OXNAD1: variants seen among roughly 807,000 people sequenced by gnomAD.
The protein encoded by OXNAD1 is oxidoreductase NAD-binding domain-containing protein 1.
In OXNAD1, 34 loss-of-function variants were observed where a neutral mutation model predicts 32.9. That is an observed-to-expected ratio of 1.03 (90% confidence interval 0.79 to 1.38). OXNAD1 has a LOEUF of 1.38. Among genes scored for constraint, OXNAD1 ranks in the 40% most tolerant of loss-of-function variants. The pLI is 0.00. For synonymous variants in OXNAD1, 134 were observed against 135.2 expected, an observed-to-expected ratio of 0.99 and a Z score of 0.06; for missense variants, 407 against 379.4, an observed-to-expected ratio of 1.07 and a Z score of -0.60.
In OXNAD1 at chr3:16,305,007, A is replaced by G. The variant is rs182029553; in HGVS notation, c.*1445A>G. The G allele has an allele frequency of 2.6e-4, 39 of 152,338 alleles. No homozygotes were observed. Among genetic ancestry groups the G allele is most frequent in the African/African-American group, 8.7e-4 (36 of 41,574 alleles). 9.4% of individuals were successfully genotyped at this position (152,338 alleles called of 1,614,324 possible). On this transcript the variant is annotated 3_prime_UTR_variant, in exon 9 of 9. Transcript: ENST00000285083. The surrounding 1 kb of genome is among the most constrained non-coding windows in gnomAD (Gnocchi z 4.5). Reference sequence around the variant, plus strand: ...CTACTGACCTGATGGGAATATCATAATCCATTCAAGGAAATGGTCATTAGT... The same window carrying G: ...CTACTGACCTGATGGGAATATCATAGTCCATTCAAGGAAATGGTCATTAGT...
chr3:16,280,614 T>G lies in OXNAD1; in HGVS notation c.184-5728T>G, dbSNP rs549042101. On this transcript the variant is annotated intron_variant, in intron 4 of 8. Transcript: ENST00000285083. The surrounding 1 kb of genome is among the most constrained non-coding windows in gnomAD (Gnocchi z 4.5). ...CTCTGAACCATACCTACATTTTTGT[T>G]TTAGGTCATCTCTAGTCATGGCTTT... 3.3e-5 allele frequency among the ~76,000 whole-genome samples: 5 copies of G among 152,278 alleles called. No homozygotes were observed. In the South Asian group the frequency reaches 1.0e-3, roughly 32 times the overall value.
At chr3:16,309,769 C>CCT, downstream of OXNAD1, among the ~76,000 whole-genome samples, 1 of 152,310 alleles carries the variant, frequency 6.6e-6, no homozygotes, top group East Asian at 1.9e-4. Flanking sequence ...ACTCATTCCA[C>CCT]CTCTCTCTGA....
intron 4 of OXNAD1, among the ~76,000 whole-genome samples, chr3:16,273,103 G>A (rs906873056): frequency 1.3e-5 from 2 of 152,132 alleles, no homozygotes; most frequent in African/African-American, 2.4e-5. Flanking sequence ...GCTAGTCCCT[G>A]AATTAGAGTA....
At chr3:16,307,911 TTC>T (rs2067680156), downstream of OXNAD1, among the ~76,000 whole-genome samples, 1 of 151,418 alleles carries the variant, frequency 6.6e-6, no homozygotes, top group South Asian at 2.1e-4. Context: ...GCACAGTTTG[TTC>T]TGTTTTTTTA....
chr3:16,347,419 C>G (rs960930021), intron 9 of OXNAD1, among the ~76,000 whole-genome samples: 11 of 152,252 alleles, frequency 7.2e-5, no homozygotes, highest in African/African-American at 2.7e-4. Context: ...AAGGTTATAA[C>G]AGGCCCATGC....
rs994828704 is a variant in OXNAD1, at chr3:16,312,607, G to T, written c.*30+9015G>T. 1.3e-5 allele frequency among the ~76,000 whole-genome samples: 2 copies of T among 152,254 alleles called. No individual in the cohort carries two copies. Among genetic ancestry groups the T allele is most frequent in the Non-Finnish European group, 2.9e-5 (2 of 68,044 alleles). On this transcript the variant is annotated intron_variant, in intron 9 of 9. Coordinates refer to the OXNAD1 transcript ENST00000435829. This position sits in a 1 kb window ranked among gnomAD's most constrained non-coding sequence, Gnocchi z 4.7. Reference sequence around the variant, plus strand: ...TGCCCCTATGCCAGCTAGGAGCTCAGCTAGAGTGGGTTGCACGAGTCGTGA... The same window carrying T: ...TGCCCCTATGCCAGCTAGGAGCTCATCTAGAGTGGGTTGCACGAGTCGTGA...
At chr3:16,308,068 A>AAGAT (rs1236080602), downstream of OXNAD1, among the ~76,000 whole-genome samples, 7 of 152,226 alleles carry the variant, frequency 4.6e-5, no homozygotes, top group African/African-American at 1.7e-4. The surrounding 1 kb of genome is among the most constrained non-coding windows in gnomAD (Gnocchi z 4.4). Context: ...CTAGACATTG[A>AAGAT]AGATAGGAAC....
chr3:16,342,018 GT>G, downstream of OXNAD1, among the ~76,000 whole-genome samples: 1 of 152,074 alleles, frequency 6.6e-6, no homozygotes, highest in East Asian at 1.9e-4. The surrounding 1 kb of genome is among the most constrained non-coding windows in gnomAD (Gnocchi z 4.0). Context: ...ATGACCACTT[GT>G]CACTTTTTTC....
chr3:16,276,841 T>A lies in OXNAD1; in HGVS notation c.183+5119T>A, dbSNP rs184549046. ...TTTTAGTGCCCACAAGTCAGAAAAT[T>A]ACAGGAAAATCCAATCATGGTACTA... On this transcript the variant is annotated intron_variant, in intron 4 of 8. Transcript: ENST00000285083. Among the ~76,000 whole-genome samples the A allele has an allele frequency of 3.7e-3, 562 of 152,158 alleles. 3 individuals carry two copies. Among genetic ancestry groups the A allele is most frequent in the Non-Finnish European group, 5.8e-3 (393 of 67,992 alleles).
chr3:16,266,218 A>T (rs1198621656), intron 1 of OXNAD1, among the ~76,000 whole-genome samples: 3 of 152,226 alleles, frequency 2.0e-5, no homozygotes, highest in Non-Finnish European at 4.4e-5. Flanking sequence ...TTTTAGATGT[A>T]ATGTTCCACT....
At chr3:16,276,436 C>T (rs842287) in intron 4 of OXNAD1, 82,945 of 202,188 alleles carry the variant, frequency 0.41, 17,452 homozygotes, top group South Asian at 0.51. Flanking sequence ...TCAAATCCCC[C>T]GTCTGATGTC....
rs1297279711 is a variant in OXNAD1, at chr3:16,327,772, AC to A, written c.*31-9339del. ...CGGGATTCCCATCTCAAAAAAAAAA[AC>A]AAAACGAAAAAAACTTCAGCCCCCT... On this transcript the variant is annotated intron_variant, in intron 9 of 9. Transcript: ENST00000435829. This position sits in a 1 kb window ranked among gnomAD's most constrained non-coding sequence, Gnocchi z 4.2. 8.9e-5 allele frequency among the ~76,000 whole-genome samples: 13 copies of A among 146,866 alleles called. No individual in the cohort carries two copies. Among genetic ancestry groups the A allele is most frequent in the Admixed American group, 6.8e-4 (10 of 14,734 alleles).
rs187574609 is a variant in OXNAD1, at chr3:16,293,519, T to G, written c.291-1337T>G. Among the ~76,000 whole-genome samples, 9 of 152,360 alleles carry G rather than the reference T, an allele frequency of 5.9e-5. No individual in the cohort carries two copies. The East Asian group carries it at 1.7e-3, about 29-fold the overall frequency. ...ATTTCATTTTCTTGTTTACTTACTT[T>G]GGCTAGAACCTCTAGGACAGTGTTG... On this transcript the variant is annotated intron_variant, in intron 5 of 8. Transcript: ENST00000285083.
intron 9 of OXNAD1, among the ~76,000 whole-genome samples, chr3:16,311,991 C>T (rs2068011621): frequency 6.6e-6 from 1 of 152,206 alleles, no homozygotes; most frequent in South Asian, 2.1e-4. Flanking sequence ...ACAGGTCTCT[C>T]CCGTAGCCTG....
intron 2 of OXNAD1, 47 bp downstream of exon 2, chr3:16,269,322 C>T (rs1157646414): frequency 6.6e-7 from 1 of 1,518,720 alleles, no homozygotes. Context: ...ACATTATTGA[C>T]TTAGAACATT....
Position 16,342,972 on chromosome 3 carries a change from C to G in OXNAD1, c.*31-6204C>G. Among the ~76,000 whole-genome samples the G allele has an allele frequency of 6.6e-6, 1 of 152,140 alleles. No individual in the cohort carries two copies. The highest frequency in any genetic ancestry group is 2.4e-5 in the African/African-American group (1 of 41,430). ...CTCCCACTACAGCCCCTCTGAGTCG[C>G]TGGGAATACAGGCACACACCACCAT... On this transcript the variant is annotated intron_variant, in intron 9 of 9. Coordinates refer to the OXNAD1 transcript ENST00000606098. The surrounding 1 kb of genome is among the most constrained non-coding windows in gnomAD (Gnocchi z 4.0).
chr3:16,338,824 A>G (rs955888068), downstream of OXNAD1, among the ~76,000 whole-genome samples: 1 of 152,216 alleles, frequency 6.6e-6, no homozygotes, highest in Non-Finnish European at 1.5e-5. The surrounding 1 kb of genome is among the most constrained non-coding windows in gnomAD (Gnocchi z 5.3). Context: ...GTATAATTAA[A>G]AAGTTGTTTA....
Position 16,317,108 on chromosome 3 carries a change from G to T in OXNAD1, c.*30+13516G>T, listed in dbSNP as rs145630474. ...ACAGTTTCCCATGTCTCCAGCTTTG[G>T]AAGACTGGTCTTCTAAGTTCTTCTC... On this transcript the variant is annotated intron_variant, in intron 9 of 9. Coordinates refer to the OXNAD1 transcript ENST00000435829. The surrounding 1 kb of genome is among the most constrained non-coding windows in gnomAD (Gnocchi z 4.3). The T allele has an allele frequency of 2.8e-5, 45 of 1,613,754 alleles. No individual in the cohort carries two copies. In the African/African-American group the frequency reaches 5.7e-4, roughly 21 times the overall value.
chr3:16,268,575 C>T (rs1235478741), intron 1 of OXNAD1, among the ~76,000 whole-genome samples: 1 of 152,048 alleles, frequency 6.6e-6, no homozygotes, highest in Non-Finnish European at 1.5e-5. Flanking sequence ...AGGCGATCTA[C>T]CCACCTCATC....
Sources: allele counts gnomAD v4.1 joint callset (sites outside exome capture counted in the v4.1 genomes callset), GRCh38; gene constraint gnomAD v4.1.1; non-coding constraint Gnocchi (gnomAD v3.1); transcripts MANE v1.5; gene names NCBI Gene and HGNC (gene_info 2026-07-23, HGNC 2026-07-21).